Variants in GALNTL6 observed in about 807,000 individuals in gnomAD.
GALNTL6 encodes the protein polypeptide N-acetylgalactosaminyltransferase-like 6.
GALNTL6 carries 46 observed loss-of-function variants against 73.7 expected under a neutral mutation model. The ratio of observed to expected loss-of-function variants is 0.62; its 90% confidence interval spans 0.49 to 0.80. The LOEUF (loss-of-function observed/expected upper bound fraction) is 0.80, where lower values mean the gene tolerates loss of function less well. Ranked by LOEUF, GALNTL6 falls within the 30% of genes least tolerant of loss-of-function variation. GALNTL6 has a pLI of 0.00. For missense variants in GALNTL6, 604 were observed against 755.0 expected (o/e 0.80, Z 2.34); for synonymous variants, 259 against 263.7 (o/e 0.98, Z 0.17).
At chr4:172,838,730 T>A (rs1290712030) in intron 7 of GALNTL6, among the ~76,000 whole-genome samples, 1 of 152,202 alleles carries the variant, frequency 6.6e-6, no homozygotes, top group Non-Finnish European at 1.5e-5. Context: ...AAAAACTTCC[T>A]CTGATGTATA....
intron 3 of GALNTL6, among the ~76,000 whole-genome samples, chr4:172,308,979 A>G (rs1239193128): frequency 1.3e-5 from 2 of 152,204 alleles, no homozygotes; most frequent in East Asian, 1.9e-4. Context: ...TGTTATATAC[A>G]TGAAATTTCT....
chr4:172,025,495 A>C (rs1318490448), intron 2 of GALNTL6, among the ~76,000 whole-genome samples: 1 of 152,058 alleles, frequency 6.6e-6, no homozygotes, highest in Non-Finnish European at 1.5e-5. Flanking sequence ...AAAGAGAAAT[A>C]ATAAAAGATA....
intron 2 of GALNTL6, among the ~76,000 whole-genome samples, chr4:172,021,708 C>T (rs557685480): frequency 8.6e-5 from 13 of 151,918 alleles, no homozygotes; most frequent in Non-Finnish European, 1.6e-4. Context: ...AGAGCTATAG[C>T]AACCAAAAGA....
At chr4:172,584,065 C>T (rs1041556836) in intron 5 of GALNTL6, among the ~76,000 whole-genome samples, 45 of 150,484 alleles carry the variant, frequency 3.0e-4, no homozygotes, top group African/African-American at 1.0e-3. Context: ...TGGTATAAGA[C>T]AAAACAAGGC....
chr4:172,767,809 A>G (rs1189560763), intron 5 of GALNTL6, among the ~76,000 whole-genome samples: 2 of 151,744 alleles, frequency 1.3e-5, no homozygotes, highest in Non-Finnish European at 2.9e-5. Context: ...AGCTGGGATC[A>G]CAGGAGCACA....
chr4:172,998,310 C>G (rs931267171), intron 10 of GALNTL6, among the ~76,000 whole-genome samples: 52 of 152,296 alleles, frequency 3.4e-4, no homozygotes, highest in African/African-American at 1.2e-3. Context: ...CTATAAGAAT[C>G]ACAAAAGCAT....
chr4:172,049,530 C>G lies in GALNTL6; in HGVS notation c.139-180126C>G, dbSNP rs550068197. On this transcript the variant is annotated intron_variant, in intron 2 of 12. Coordinates refer to ENST00000506823, the MANE Select transcript of GALNTL6 (RefSeq NM_001034845.3). The stretch of plus-strand genomic sequence containing the variant: ...GAAAATGTAGTTTATCAGTAACAAG[C>G]CATATAATCATAGAATTGCACATAG... Among the ~76,000 whole-genome samples, 334 of 152,186 alleles carry G rather than the reference C, an allele frequency of 2.2e-3. 1 individual carries two copies. The highest frequency in any genetic ancestry group is 6.9e-3 in the African/African-American group (287 of 41,530).
At chr4:172,927,702 C>A (rs1222633906) in intron 8 of GALNTL6, among the ~76,000 whole-genome samples, 1 of 152,136 alleles carries the variant, frequency 6.6e-6, no homozygotes, top group Non-Finnish European at 1.5e-5. Context: ...TTACCCAATG[C>A]ATGACATCTC....
At chr4:172,184,386 G>C (rs1254803186) in intron 2 of GALNTL6, among the ~76,000 whole-genome samples, 1 of 152,184 alleles carries the variant, frequency 6.6e-6, no homozygotes, top group Non-Finnish European at 1.5e-5. Flanking sequence ...CTGATGTATT[G>C]TGAGTGTTGT....
intron 5 of GALNTL6, among the ~76,000 whole-genome samples, chr4:172,442,352 G>C (rs180801388): frequency 6.6e-6 from 1 of 152,050 alleles, no homozygotes; most frequent in Non-Finnish European, 1.5e-5. Flanking sequence ...CACTTCTTCT[G>C]GGGGGAGTGA....
intron 7 of GALNTL6, among the ~76,000 whole-genome samples, chr4:172,855,228 G>A (rs889925029): frequency 6.0e-5 from 9 of 148,894 alleles, no homozygotes; most frequent in African/African-American, 2.2e-4. Flanking sequence ...CACAGAGAAT[G>A]GTTTTACAAA....
At chr4:172,378,342 T>C (rs1743129275) in intron 5 of GALNTL6, among the ~76,000 whole-genome samples, 1 of 152,126 alleles carries the variant, frequency 6.6e-6, no homozygotes. Context: ...TCTATTTCCA[T>C]GTTCAGGAAA....
chr4:172,645,387 A>C (rs1376901716), intron 5 of GALNTL6, among the ~76,000 whole-genome samples: 1 of 151,990 alleles, frequency 6.6e-6, no homozygotes, highest in Admixed American at 6.6e-5. Flanking sequence ...TAAAGTAGAA[A>C]TCAAGTTTCA....
intron 9 of GALNTL6, among the ~76,000 whole-genome samples, chr4:172,945,163 A>G (rs973838801): frequency 6.6e-6 from 1 of 152,166 alleles, no homozygotes; most frequent in African/African-American, 2.4e-5. Context: ...AAGAAGCCAG[A>G]CAAAAAGAGC....
At chr4:172,177,819 G>GGATATATACACATGTGTA (rs1735088104) in intron 2 of GALNTL6, among the ~76,000 whole-genome samples, 1 of 131,390 alleles carries the variant, frequency 7.6e-6, no homozygotes, top group African/African-American at 3.3e-5. Context: ...ATATGTGTGT[G>GGATATATACACATGTGTA]TATATATACA....
rs2111084118 is a variant in GALNTL6 at position 171,983,755 on chromosome 4, A to G, written c.138+169037A>G. ...AGGGGTGGGTTGAAATGTGGGGGTT[A>G]GAGTCTTGCATGACCTACCCTGGAT... On this transcript the variant is annotated intron_variant, in intron 2 of 12. Transcript: ENST00000506823. Among the ~76,000 whole-genome samples, 3 of 152,256 alleles carry G rather than the reference A, an allele frequency of 2.0e-5. No individual in the cohort carries two copies. In the Middle Eastern group the frequency reaches 0.01, roughly 518 times the overall value.
intron 7 of GALNTL6, among the ~76,000 whole-genome samples, chr4:172,838,445 C>A (rs924597527): frequency 6.6e-6 from 1 of 152,188 alleles, no homozygotes; most frequent in Admixed American, 6.5e-5. Flanking sequence ...GCAGAGGAGT[C>A]TTGCCCATGA....
chr4:171,844,047 A>G (rs1735308583), intron 2 of GALNTL6, among the ~76,000 whole-genome samples: 1 of 152,188 alleles, frequency 6.6e-6, no homozygotes, highest in Non-Finnish European at 1.5e-5. Flanking sequence ...TTCTACTAGC[A>G]TGCATATTAT....
intron 2 of GALNTL6, among the ~76,000 whole-genome samples, chr4:171,829,883 T>C (rs1223272738): frequency 6.6e-6 from 1 of 152,006 alleles, no homozygotes; most frequent in African/African-American, 2.4e-5. Flanking sequence ...GCAAATGTAA[T>C]TAATTTGAAG....
Sources: allele counts gnomAD v4.1 joint callset (sites outside exome capture counted in the v4.1 genomes callset), GRCh38; gene constraint gnomAD v4.1.1; transcripts MANE v1.5; gene names NCBI Gene and HGNC (gene_info 2026-07-23, HGNC 2026-07-21).